DBH: variants seen among roughly 807,000 people sequenced by gnomAD.
DBH encodes the protein dopamine beta-hydroxylase (dopamine beta-monooxygenase).
Under a neutral mutation model 64.0 loss-of-function variants are expected in DBH, and 49 were observed. That is an observed-to-expected ratio of 0.77 (90% CI 0.61 to 0.97). DBH has a LOEUF of 0.97. DBH is among the 50% of genes least tolerant of loss of function. DBH has a pLI of 0.00. For synonymous variants in DBH, 343 were observed against 347.1 expected (o/e 0.99, Z 0.13); for missense variants, 828 against 826.6 (o/e 1.00, Z -0.02).
At position 133,651,696 on chromosome 9, in the gene DBH, A is replaced by G. The variant is rs1257051504; in HGVS notation, c.1254A>G (p.Arg418=). 6.2e-7 allele frequency: 1 copy of G among 1,613,886 alleles called. No homozygotes were observed. The highest frequency in any genetic ancestry group is 1.7e-5 in the Admixed American group (1 of 60,016). ...AGCTCCACACACACCTGACTGGGAG[A>G]AAGGTGGTCACAGTGCTGGTCCGGG... The part of the protein sequence containing the change: ...ASQLHTHLTG[R]KVVTVLVRDG... The change falls in exon 7 of 12, where the codon AGA becomes AGG. Residue 418 remains arginine, a synonymous_variant. Coordinates refer to ENST00000393056, the MANE Select transcript of DBH (RefSeq NM_000787.4).
At chr9:133,637,109 C>T (rs930314165) in intron 1 of DBH, among the ~76,000 whole-genome samples, 12 of 152,214 alleles carry the variant, frequency 7.9e-5, no homozygotes, top group Admixed American at 2.6e-4. Context: ...CACATGCCCA[C>T]TGATGTGGGC....
Position 133,657,289 on chromosome 9 carries a change from G to C in DBH, c.1722+60G>C, listed in dbSNP as rs918674851. 3 of 1,601,414 alleles carry C rather than the reference G, an allele frequency of 1.9e-6. No individual in the cohort carries two copies. In the East Asian group the frequency reaches 6.7e-5, roughly 36 times the overall value. ...CAGGCAGGCCTCATGGGGGGCCCCAGTGAGGGGTGATGGGTCTGCACTCCA... is the reference window on the plus strand; with the variant it reads ...CAGGCAGGCCTCATGGGGGGCCCCACTGAGGGGTGATGGGTCTGCACTCCA... On this transcript the variant is annotated intron_variant, in intron 11 of 11. Coordinates refer to ENST00000393056, the MANE Select transcript of DBH (RefSeq NM_000787.4).
At position 133,645,238 on chromosome 9, in the gene DBH, G is replaced by A. The variant is rs560406193; in HGVS notation, c.1024+918G>A. On this transcript the variant is annotated intron_variant, in intron 5 of 11. Transcript: ENST00000393056. ...GGCTGTGCTCAGCTAACAGTCGCCT[G>A]TGGTTTTTTTTTTTTTTCCTGGCTG... Among the ~76,000 whole-genome samples the A allele has an allele frequency of 2.6e-5, 3 of 114,654 alleles. No individual in the cohort carries two copies. In the East Asian group the frequency reaches 6.0e-4, roughly 23 times the overall value. 75.2% of individuals were successfully genotyped at this position (114,654 alleles called of 152,430 possible). A position where few individuals can be genotyped will look rare whatever the true frequency, so the allele number is the denominator to read the frequency against.
At chr9:133,638,047 C>G (rs1222748906) in intron 1 of DBH, among the ~76,000 whole-genome samples, 1 of 152,262 alleles carries the variant, frequency 6.6e-6, no homozygotes, top group Non-Finnish European at 1.5e-5. Flanking sequence ...GGAGCATTTG[C>G]TCCTCTCTGG....
intron 6 of DBH, among the ~76,000 whole-genome samples, chr9:133,649,498 A>T (rs1218483413): frequency 6.6e-6 from 1 of 152,172 alleles, no homozygotes; most frequent in African/African-American, 2.4e-5. Context: ...TTTAGAGTGG[A>T]TTTTCCTTCC....
intron 5 of DBH, among the ~76,000 whole-genome samples, chr9:133,644,768 C>T (rs572495608): frequency 2.2e-4 from 33 of 152,164 alleles, no homozygotes; most frequent in African/African-American, 7.7e-4. Flanking sequence ...AGTGCAGGGA[C>T]GGGAAGGGGA....
Position 133,639,819 on chromosome 9 carries a change from C to G in DBH, c.340-27C>G, listed in dbSNP as rs564927251. ...ATTGGCCCGGCTTGGCTCCTTCATG[C>G]CTGGAGCCCAGTGCTTGTCTCTGCA... On this transcript the variant is annotated intron_variant, in intron 1 of 11. Coordinates refer to ENST00000393056, the MANE Select transcript of DBH (RefSeq NM_000787.4). The G allele has an allele frequency of 3.7e-6, 6 of 1,602,276 alleles. No individual in the cohort carries two copies. The South Asian group carries it at 5.6e-5, about 15-fold the overall frequency.
At position 133,658,990 on chromosome 9, in the gene DBH, T is replaced by C. The variant is rs1399190407; in HGVS notation, c.*543T>C. ...GCTAGTTAGAGACTCGCCTGGGAAATTGCTCCATTCCTGAGTAAACAGATA... is the reference window on the plus strand; with the variant it reads ...GCTAGTTAGAGACTCGCCTGGGAAACTGCTCCATTCCTGAGTAAACAGATA... On this transcript the variant is annotated 3_prime_UTR_variant, in exon 12 of 12. Coordinates refer to ENST00000393056, the MANE Select transcript of DBH (RefSeq NM_000787.4). 1 of 152,064 alleles carries C rather than the reference T, an allele frequency of 6.6e-6. No individual in the cohort carries two copies. Among genetic ancestry groups the C allele is most frequent in the Non-Finnish European group, 1.5e-5 (1 of 68,030 alleles). 9.4% of individuals were successfully genotyped at this position (152,064 alleles called of 1,614,324 possible).
intron 7 of DBH, 25 bp downstream of exon 7, chr9:133,651,802 C>T: frequency 1.4e-6 from 2 of 1,410,876 alleles, no homozygotes; most frequent in Non-Finnish European, 1.9e-6. Context: ...CCCACCCCTG[C>T]CCCGCCCCCA....
Position 133,642,464 on chromosome 9 carries a change from G to A in DBH, c.744G>A (p.Lys248=). ...GCTTCTCTCGGCACCACATTATCAAGGTACGTGCGGGTCCAGGGCCGAGGT... is the reference window on the plus strand; with the variant it reads ...GCTTCTCTCGGCACCACATTATCAAAGTACGTGCGGGTCCAGGGCCGAGGT... ...PKGFSRHHII[K]YEPIVTKGNE... The change falls in exon 3 of 12, where the codon AAG becomes AAA. Residue 248 remains lysine, a splice_region_variant and synonymous_variant. Transcript: ENST00000393056. 6.2e-7 allele frequency: 1 copy of A among 1,604,924 alleles called. No individual in the cohort carries two copies. The highest frequency in any genetic ancestry group is 2.2e-5 in the East Asian group (1 of 44,538).
At chr9:133,646,673 G>A (rs1305926724) in intron 5 of DBH, among the ~76,000 whole-genome samples, 4 of 144,774 alleles carry the variant, frequency 2.8e-5, no homozygotes, top group Admixed American at 2.7e-4. Flanking sequence ...ATAGGTGCGT[G>A]CCACCACACC....
chr9:133,657,428 AGAGAGGAGAGAGAG>A (rs1832341525), intron 11 of DBH, 199 bp downstream of exon 11: 2 of 420,272 alleles, frequency 4.8e-6, no homozygotes, highest in Non-Finnish European at 8.6e-6. Context: ...GAGAGAGGAG[AGAGAGGAGAGAGAG>A]GAGAGAGAGG....
At chr9:133,654,451 C>T (rs1832289681) in intron 9 of DBH, 1 of 152,238 alleles carries the variant, frequency 6.6e-6, no homozygotes, top group African/African-American at 2.4e-5. Flanking sequence ...AGTCACACAG[C>T]TGATAGATGG....
intron 3 of DBH, 144 bp downstream of exon 3, chr9:133,642,608 C>T: frequency 3.9e-6 from 4 of 1,018,274 alleles, no homozygotes; most frequent in Non-Finnish European, 5.9e-6. Context: ...CCTGCCTGAG[C>T]AGGGGAGCAG....
intron 6 of DBH, among the ~76,000 whole-genome samples, chr9:133,648,933 C>T (rs1262400785): frequency 6.6e-6 from 1 of 152,222 alleles, no homozygotes; most frequent in African/African-American, 2.4e-5. Flanking sequence ...CATGAAATTG[C>T]TGCTCAGAGA....
chr9:133,657,024 T>C (rs776622167), intron 10 of DBH, 46 bp from the exon 11 acceptor site: 1 of 1,610,734 alleles, frequency 6.2e-7, no homozygotes, highest in Non-Finnish European at 8.5e-7. Context: ...CTGGGCTCCC[T>C]GCCCGTCAGC....
chr9:133,653,011 C>G lies in DBH; in HGVS notation c.1434+12C>G. On this transcript the variant is annotated intron_variant, in intron 9 of 11. Coordinates refer to ENST00000393056, the MANE Select transcript of DBH (RefSeq NM_000787.4). ...AGCTGGCCACAGTGGTAAGTCACCCCCGCTTCCCCCTGCACCTGCCCAGGG... is the reference window on the plus strand; with the variant it reads ...AGCTGGCCACAGTGGTAAGTCACCCGCGCTTCCCCCTGCACCTGCCCAGGG... The G allele has an allele frequency of 6.2e-7, 1 of 1,605,942 alleles. No homozygotes were observed. Among genetic ancestry groups the G allele is most frequent in the South Asian group, 1.1e-5 (1 of 90,904 alleles).
chr9:133,658,466 CCCT>C lies in DBH; in HGVS notation c.*25_*27del, dbSNP rs1253994154. The C allele has an allele frequency of 6.3e-7, 1 of 1,595,738 alleles. No homozygotes were observed. Among genetic ancestry groups the C allele is most frequent in the African/African-American group, 1.3e-5 (1 of 74,468 alleles). ...AGGCTGAGGGGGGACCTACTCCTCC[CCCT>C]CCTCCATGCTGTCCCTGTGGGCTCA... is the stretch of plus-strand genomic sequence containing the variant. On this transcript the variant is annotated 3_prime_UTR_variant, in exon 12 of 12. Transcript: ENST00000393056.
Position 133,658,458 on chromosome 9 carries a change from ACTCCTCCCC to A in DBH, c.*19_*27del. On this transcript the variant is annotated 3_prime_UTR_variant, in exon 12 of 12. Transcript: ENST00000393056. ...GGGGGCAAAGGCTGAGGGGGGACCT[ACTCCTCCCC>A]CTCCTCCATGCTGTCCCTGTGGGCT... The A allele has an allele frequency of 6.3e-7, 1 of 1,592,832 alleles. No individual in the cohort carries two copies. The highest frequency in any genetic ancestry group is 8.6e-7 in the Non-Finnish European group (1 of 1,168,066).
Sources: gnomAD v4.1 joint callset for allele counts (sites outside exome capture counted in the v4.1 genomes callset) on GRCh38, gnomAD v4.1.1 for gene constraint, MANE v1.5 for transcripts, NCBI Gene and HGNC (gene_info 2026-07-23, HGNC 2026-07-21) for gene names.